The following LRRTM4 variants were observed in gnomAD, a reference collection of about 807,000 sequenced individuals.
The protein encoded by LRRTM4 is leucine-rich repeat transmembrane neuronal protein 4.
Under a neutral mutation model 47.6 loss-of-function variants are expected in LRRTM4, and 25 were observed. The ratio of observed to expected loss-of-function variants is 0.53; its 90% CI spans 0.38 to 0.73. LRRTM4 has a LOEUF of 0.73. LRRTM4 is among the 30% of genes least tolerant of loss of function. The pLI is 0.00. For missense variants in LRRTM4, 638 were observed against 713.4 expected (o/e 0.89, Z 1.20); for synonymous variants, 311 against 269.5 (o/e 1.15, Z -1.51).
chr2:77,225,386 C>G (rs1230690495), intron 3 of LRRTM4, among the ~76,000 whole-genome samples: 6 of 150,558 alleles, frequency 4.0e-5, no homozygotes, highest in Non-Finnish European at 7.4e-5. Context: ...AAAAAAAAGA[C>G]CCATAACTAG....
At chr2:77,333,909 C>T (rs1398972200) in intron 3 of LRRTM4, among the ~76,000 whole-genome samples, 1 of 152,176 alleles carries the variant, frequency 6.6e-6, no homozygotes, top group African/African-American at 2.4e-5. Context: ...CTGTACCCTG[C>T]AAAGCCACGG....
At chr2:77,482,927 C>A (rs1677762954) in intron 3 of LRRTM4, among the ~76,000 whole-genome samples, 1 of 151,516 alleles carries the variant, frequency 6.6e-6, no homozygotes, top group Admixed American at 6.6e-5. Context: ...TTAAGACCAT[C>A]CTGGCCAACA....
intron 3 of LRRTM4, among the ~76,000 whole-genome samples, chr2:77,010,545 C>CACACACACACAG (rs370829024): frequency 1.1e-4 from 17 of 148,974 alleles, no homozygotes; most frequent in African/African-American, 2.0e-4. Flanking sequence ...CACACACACA[C>CACACACACACAG]AGTCTTTAAC....
At chr2:77,147,491 C>T (rs1194342821) in intron 3 of LRRTM4, among the ~76,000 whole-genome samples, 1 of 152,102 alleles carries the variant, frequency 6.6e-6, no homozygotes, top group Non-Finnish European at 1.5e-5. Context: ...TACATTATGC[C>T]ATCACGTTTC....
chr2:76,863,770 A>C (rs1271661458), intron 3 of LRRTM4, among the ~76,000 whole-genome samples: 1 of 152,202 alleles, frequency 6.6e-6, no homozygotes, highest in East Asian at 1.9e-4. Context: ...TGTTTTTTAC[A>C]TGTTTATTAC....
intron 3 of LRRTM4, among the ~76,000 whole-genome samples, chr2:77,487,483 C>T (rs1253267510): frequency 6.6e-6 from 1 of 152,190 alleles, no homozygotes; most frequent in African/African-American, 2.4e-5. Context: ...CTTTGGATTC[C>T]CACGAACGCA....
At chr2:77,103,937 C>T (rs56356710) in intron 3 of LRRTM4, among the ~76,000 whole-genome samples, 65,332 of 151,782 alleles carry the variant, frequency 0.43, 17,122 homozygotes, top group African/African-American at 0.72. Flanking sequence ...ATAAATCAGT[C>T]GGATCTCAGT....
At chr2:76,782,774 A>C (rs1659001733) in intron 3 of LRRTM4, among the ~76,000 whole-genome samples, 1 of 152,332 alleles carries the variant, frequency 6.6e-6, no homozygotes, top group African/African-American at 2.4e-5. Context: ...AAGTGGATCC[A>C]CACAGTTAAA....
chr2:77,071,832 T>C (rs1220741956), intron 3 of LRRTM4, among the ~76,000 whole-genome samples: 1 of 152,146 alleles, frequency 6.6e-6, no homozygotes, highest in Non-Finnish European at 1.5e-5. Flanking sequence ...TCAAACAGGA[T>C]CCAAAACCCA....
chr2:77,089,564 G>T (rs1467875332), intron 3 of LRRTM4, among the ~76,000 whole-genome samples: 1 of 151,776 alleles, frequency 6.6e-6, no homozygotes, highest in Non-Finnish European at 1.5e-5. Context: ...TTTCTGGAAG[G>T]TAAGAACCCC....
intron 3 of LRRTM4, among the ~76,000 whole-genome samples, chr2:77,366,321 T>C (rs1283857378): frequency 1.3e-5 from 2 of 151,784 alleles, no homozygotes; most frequent in Admixed American, 1.3e-4. Context: ...CCAAGACACG[T>C]TTTTGTCCCT....
chr2:76,874,482 T>C (rs116405125), intron 3 of LRRTM4, among the ~76,000 whole-genome samples: 2,827 of 152,092 alleles, frequency 0.019, 124 homozygotes, highest in African/African-American at 0.063. Flanking sequence ...CTGGGGTGAA[T>C]GAGTGGTCTG....
chr2:77,130,824 ATT>A (rs768577274), intron 3 of LRRTM4, among the ~76,000 whole-genome samples: 5 of 35,632 alleles, frequency 1.4e-4, no homozygotes, highest in Non-Finnish European at 2.4e-4. Context: ...TATTTGTTCT[ATT>A]TTTTTTTTTT....
At chr2:77,130,824 A>ATTTTTTTTTT (rs768577274) in intron 3 of LRRTM4, among the ~76,000 whole-genome samples, 8 of 35,634 alleles carry the variant, frequency 2.2e-4, no homozygotes, top group East Asian at 1.1e-3. Flanking sequence ...TATTTGTTCT[A>ATTTTTTTTTT]TTTTTTTTTT....
intron 3 of LRRTM4, among the ~76,000 whole-genome samples, chr2:77,421,446 G>A (rs1225562303): frequency 6.6e-6 from 1 of 152,134 alleles, no homozygotes; most frequent in African/African-American, 2.4e-5. Flanking sequence ...GGTGGCTCAT[G>A]CCTATAATCC....
chr2:77,352,909 A>G (rs906987926), intron 3 of LRRTM4, among the ~76,000 whole-genome samples: 1 of 152,168 alleles, frequency 6.6e-6, no homozygotes, highest in African/African-American at 2.4e-5. Context: ...AAACAAGTAG[A>G]TATAATTAAT....
chr2:77,102,235 G>A (rs1670973736), intron 3 of LRRTM4, among the ~76,000 whole-genome samples: 2 of 152,184 alleles, frequency 1.3e-5, no homozygotes, highest in Admixed American at 6.5e-5. Flanking sequence ...CTAGGTACCA[G>A]TCAGGCCCTG....
At position 76,864,843 on chromosome 2, in the gene LRRTM4, C is replaced by T. The variant is rs973134961; in HGVS notation, c.1552-115927G>A. ...CCGGGCTCAAGTGATTCTCCCATCT[C>T]AGCCTCTCGAGTAGCTGGGACTACA... is the stretch of plus-strand genomic sequence containing the variant. On this transcript the variant is annotated intron_variant, in intron 3 of 3. Transcript: ENST00000409884. Among the ~76,000 whole-genome samples the T allele has an allele frequency of 2.5e-5, 3 of 121,926 alleles. No individual in the cohort carries two copies. In the Middle Eastern group the frequency reaches 0.013, roughly 539 times the overall value. The allele number at this position is 121,926 out of a possible 152,430, so 80.0% of individuals were successfully genotyped here.
chr2:77,070,526 T>C (rs908099934), intron 3 of LRRTM4, among the ~76,000 whole-genome samples: 2 of 152,184 alleles, frequency 1.3e-5, no homozygotes, highest in African/African-American at 4.8e-5. Flanking sequence ...ATTTGACAAA[T>C]GGCTTTTATT....
Sources: allele counts gnomAD v4.1 joint callset (sites outside exome capture counted in the v4.1 genomes callset), GRCh38; gene constraint gnomAD v4.1.1; transcripts MANE v1.5; gene names NCBI Gene and HGNC (gene_info 2026-07-23, HGNC 2026-07-21).